SPANXN2: variants seen among roughly 807,000 people sequenced by gnomAD.
SPANXN2 encodes the protein SPANX family member N2.
In SPANXN2, 1 loss-of-function variant was observed where a neutral mutation model predicts 2.0. The ratio of observed to expected loss-of-function variants is 0.50; its 90% CI spans 0.18 to 2.36. The LOEUF (loss-of-function observed/expected upper bound fraction) is 2.36. Ranked by LOEUF, SPANXN2 falls within the 30% of genes most tolerant of loss-of-function variation. The probability of loss-of-function intolerance (pLI) is 0.26; values close to 1 mark genes in which losing one functional copy is unlikely to be tolerated. For synonymous variants in SPANXN2, 43 were observed against 49.8 expected, an observed-to-expected ratio of 0.86 and a Z score of 0.58; for missense variants, 88 against 116.7, an observed-to-expected ratio of 0.75 and a Z score of 1.13.
At chrX:143,716,756 C>G (rs1320890886) in intron 1 of SPANXN2, among the ~76,000 whole-genome samples, 1 of 112,041 alleles carries the variant, frequency 8.9e-6, no homozygotes, top group Non-Finnish European at 1.9e-5. Flanking sequence ...AACTCCCTCT[C>G]TACCAACACA....
chrX:143,716,352 T>C (rs1249495626), intron 1 of SPANXN2, among the ~76,000 whole-genome samples: 5 of 107,804 alleles, frequency 4.6e-5, no homozygotes, highest in East Asian at 2.9e-4. Flanking sequence ...CTTCCCCACA[T>C]AAAAAAAAAG....
chrX:143,717,312 G>A, intron 1 of SPANXN2, among the ~76,000 whole-genome samples: 1 of 111,871 alleles, frequency 8.9e-6, no homozygotes, highest in Non-Finnish European at 1.9e-5. Context: ...CATAAGAAAT[G>A]GCAAACTTAC....
chrX:143,720,079 G>A (rs1556450639), intron 1 of SPANXN2, among the ~76,000 whole-genome samples: 1 of 110,828 alleles, frequency 9.0e-6, no homozygotes, highest in Non-Finnish European at 1.9e-5. Context: ...TCGGCAGCAA[G>A]CAGCCAGATA....
chrX:143,719,576 T>A (rs1225033117), intron 1 of SPANXN2, among the ~76,000 whole-genome samples: 23 of 112,231 alleles, frequency 2.0e-4, no homozygotes, highest in Non-Finnish European at 3.9e-4. Context: ...ACAACTTTTG[T>A]CTGTCCACCC....
At chrX:143,719,684 C>T (rs111372484) in intron 1 of SPANXN2, among the ~76,000 whole-genome samples, 4,706 of 111,111 alleles carry the variant, frequency 0.042, 238 homozygotes, top group African/African-American at 0.15. Flanking sequence ...AACATTAACA[C>T]TTTGCCTAAC....
intron 1 of SPANXN2, among the ~76,000 whole-genome samples, chrX:143,716,414 A>C (rs1391795203): frequency 9.0e-6 from 1 of 110,937 alleles, no homozygotes; most frequent in Non-Finnish European, 1.9e-5. Context: ...GTGAATTCCT[A>C]ACTTTGACTT....
intron 1 of SPANXN2, among the ~76,000 whole-genome samples, chrX:143,714,448 C>T (rs1932223735): frequency 9.0e-6 from 1 of 111,276 alleles, no homozygotes; most frequent in Non-Finnish European, 1.9e-5. Context: ...TTATGGGTGC[C>T]CAGGTCCATG....
At chrX:143,715,350 C>T (rs1328218993) in intron 1 of SPANXN2, among the ~76,000 whole-genome samples, 1 of 110,544 alleles carries the variant, frequency 9.0e-6, no homozygotes, top group Non-Finnish European at 1.9e-5. Flanking sequence ...ATTCAGCAGC[C>T]CCCTTCACCC....
In SPANXN2 at chrX:143,716,352, T is replaced by TA. The variant is rs1186342455; in HGVS notation, c.79-3854dup. Among the ~76,000 whole-genome samples, 512 of 107,831 alleles carry TA rather than the reference T, an allele frequency of 4.7e-3. 3 individuals carry two copies. The highest frequency in any genetic ancestry group is 0.012 in the African/African-American group (363 of 29,591). The allele number at this position is 107,831 out of a possible 115,157, so 93.6% of individuals were successfully genotyped here. On this transcript the variant is annotated intron_variant, in intron 1 of 1. Transcript: ENST00000598475. Reference sequence around the variant, plus strand: ...ATTTGGGACATGCCCCTTCCCCACATAAAAAAAAAGGACCTCCCCTCCTTC... The same window carrying TA: ...ATTTGGGACATGCCCCTTCCCCACATAAAAAAAAAAGGACCTCCCCTCCTTC...
chrX:143,717,155 A>T (rs1932282036), intron 1 of SPANXN2, among the ~76,000 whole-genome samples: 1 of 112,355 alleles, frequency 8.9e-6, no homozygotes, highest in Non-Finnish European at 1.9e-5. Flanking sequence ...CTCAACAGGC[A>T]AAGCTAGTTG....
intron 1 of SPANXN2, among the ~76,000 whole-genome samples, chrX:143,715,635 G>T (rs1556449539): frequency 9.5e-6 from 1 of 105,040 alleles, no homozygotes; most frequent in East Asian, 3.4e-4. Flanking sequence ...TCCTTCATCA[G>T]TCTCAATATC....
chrX:143,716,925 C>T (rs1418835386), intron 1 of SPANXN2, among the ~76,000 whole-genome samples: 3 of 111,875 alleles, frequency 2.7e-5, no homozygotes, highest in Admixed American at 9.4e-5. Flanking sequence ...CACCCTTCTC[C>T]CTGTAAACAC....
chrX:143,717,349 C>T (rs1446267580), intron 1 of SPANXN2, among the ~76,000 whole-genome samples: 14 of 111,799 alleles, frequency 1.3e-4, no homozygotes, highest in African/African-American at 4.2e-4. Context: ...GTGGATAAAC[C>T]ACCACCAAAG....
chrX:143,715,516 T>C (rs1486168466), intron 1 of SPANXN2, among the ~76,000 whole-genome samples: 1 of 109,595 alleles, frequency 9.1e-6, no homozygotes, highest in Non-Finnish European at 1.9e-5. Context: ...CTCATCCTCA[T>C]TATCCACCCT....
At chrX:143,713,036 C>T (rs1478827597) in intron 1 of SPANXN2, among the ~76,000 whole-genome samples, 3 of 111,801 alleles carry the variant, frequency 2.7e-5, no homozygotes, top group African/African-American at 9.8e-5. Context: ...TAAGCTTGTC[C>T]TCCACTTCCA....
intron 1 of SPANXN2, among the ~76,000 whole-genome samples, chrX:143,713,888 C>CCTCTCT (rs782021002): frequency 1.4e-4 from 5 of 35,100 alleles, no homozygotes; most frequent in Admixed American, 4.2e-4. Flanking sequence ...TCCTTTCATG[C>CCTCTCT]CTCACTCTCT....
intron 1 of SPANXN2, among the ~76,000 whole-genome samples, chrX:143,713,888 C>CCTCTCTCTCTCT (rs782021002): frequency 1.4e-4 from 5 of 35,109 alleles, no homozygotes; most frequent in African/African-American, 4.0e-4. Context: ...TCCTTTCATG[C>CCTCTCTCTCTCT]CTCACTCTCT....
At chrX:143,718,086 G>A (rs1480708485) in intron 1 of SPANXN2, among the ~76,000 whole-genome samples, 1 of 110,928 alleles carries the variant, frequency 9.0e-6, no homozygotes, top group African/African-American at 3.3e-5. Flanking sequence ...TTACCACTCC[G>A]AATCTTCAGG....
At chrX:143,720,076 C>G (rs111276881) in intron 1 of SPANXN2, among the ~76,000 whole-genome samples, 2,390 of 110,833 alleles carry the variant, frequency 0.022, 85 homozygotes, top group African/African-American at 0.075. Context: ...TATTCGGCAG[C>G]AAGCAGCCAG....
Sources: allele counts gnomAD v4.1 joint callset (sites outside exome capture counted in the v4.1 genomes callset), GRCh38; gene constraint gnomAD v4.1.1; transcripts MANE v1.5; gene names NCBI Gene and HGNC (gene_info 2026-07-23, HGNC 2026-07-21).